Variants in RRAS2 observed in about 807,000 individuals in gnomAD.
RRAS2 encodes RAS related 2, also known as ras-related protein R-Ras2.
RRAS2 carries 7 observed loss-of-function variants against 27.6 expected under a neutral mutation model. The observed-to-expected ratio is 0.25, with a 90% CI of 0.14 to 0.48. The LOEUF (loss-of-function observed/expected upper bound fraction) is 0.48. RRAS2 is among the 20% of genes least tolerant of loss of function. RRAS2 has a pLI of 0.99. For missense variants in RRAS2, 178 were observed against 256.2 expected (o/e 0.69, Z 2.08); for synonymous variants, 86 against 90.9 (o/e 0.95, Z 0.31).
intron 4 of RRAS2, among the ~76,000 whole-genome samples, chr11:14,287,086 T>C (rs1849679197): frequency 6.6e-6 from 1 of 152,194 alleles, no homozygotes; most frequent in Non-Finnish European, 1.5e-5. Flanking sequence ...CAATGAAACT[T>C]CCCCCTAAGT....
chr11:14,329,476 A>C (rs1848441566), intron 1 of RRAS2, among the ~76,000 whole-genome samples: 1 of 152,034 alleles, frequency 6.6e-6, no homozygotes. Flanking sequence ...AGGCTTTTAG[A>C]CCCCTCGCAT....
chr11:14,330,658 A>C (rs1554951763), intron 1 of RRAS2, among the ~76,000 whole-genome samples: 3 of 152,108 alleles, frequency 2.0e-5, no homozygotes, highest in African/African-American at 7.2e-5. Context: ...AACATTAAAA[A>C]AAATTTTTTT....
chr11:14,319,771 T>C (rs1591469188), intron 1 of RRAS2, among the ~76,000 whole-genome samples: 1 of 152,310 alleles, frequency 6.6e-6, no homozygotes, highest in Admixed American at 6.5e-5. Flanking sequence ...ACTCAACTGA[T>C]AAAAGGTGAT....
intron 4 of RRAS2, among the ~76,000 whole-genome samples, chr11:14,286,864 A>C (rs1849672393): frequency 6.6e-6 from 1 of 152,268 alleles, no homozygotes; most frequent in African/African-American, 2.4e-5. Flanking sequence ...ATTAACGATA[A>C]GGAAGGAAGC....
At chr11:14,337,876 G>C (rs1460041707) in intron 1 of RRAS2, among the ~76,000 whole-genome samples, 1 of 152,136 alleles carries the variant, frequency 6.6e-6, no homozygotes, top group Middle Eastern at 3.2e-3. Flanking sequence ...AGAATGTATT[G>C]CCAGAAGGGC....
chr11:14,339,851 TGCCTGTA>T (rs1184340105), intron 1 of RRAS2, among the ~76,000 whole-genome samples: 1 of 151,976 alleles, frequency 6.6e-6, no homozygotes, highest in Admixed American at 6.5e-5. Context: ...CAGTGGCTCA[TGCCTGTA>T]ATCCCACCAC....
In RRAS2 at chr11:14,352,096, G is replaced by A. The variant is rs59497048; in HGVS notation, c.108+6667C>T. The stretch of plus-strand genomic sequence containing the variant: ...TAAAGTCAAAAAAGAAAGCAACATC[G>A]GATGTCTTTTTAACACTTATATTCT... On this transcript the variant is annotated intron_variant, in intron 1 of 5. Coordinates refer to ENST00000256196, the MANE Select transcript of RRAS2 (RefSeq NM_012250.6). Among the ~76,000 whole-genome samples, 1,073 of 152,078 alleles carry A rather than the reference G, an allele frequency of 7.1e-3. 8 individuals carry two copies. The highest frequency in any genetic ancestry group is 0.024 in the African/African-American group (1,006 of 41,500).
At chr11:14,332,509 GTAATAA>G (rs1230064589) in intron 1 of RRAS2, among the ~76,000 whole-genome samples, 2 of 151,732 alleles carry the variant, frequency 1.3e-5, no homozygotes, top group African/African-American at 2.4e-5. Context: ...CTCAAAAATA[GTAATAA>G]TAATAATAAA....
intron 4 of RRAS2, among the ~76,000 whole-genome samples, chr11:14,293,142 TA>T (rs1564957386): frequency 1.5e-5 from 2 of 131,728 alleles, no homozygotes; most frequent in African/African-American, 3.0e-5. Context: ...TATATATATA[TA>T]TATATATATA....
intron 1 of RRAS2, among the ~76,000 whole-genome samples, chr11:14,318,502 C>G (rs1848160329): frequency 6.7e-6 from 1 of 150,058 alleles, no homozygotes; most frequent in Non-Finnish European, 1.5e-5. Flanking sequence ...GAATCTGTCT[C>G]AAAACAAACA....
At position 14,278,544 on chromosome 11, in the gene RRAS2, AAC is replaced by A. The variant is rs1474449798; in HGVS notation, c.*791_*792del. 2 of 152,210 alleles carry A rather than the reference AAC, an allele frequency of 1.3e-5. No homozygotes were observed. The highest frequency in any genetic ancestry group is 6.5e-5 in the Admixed American group (1 of 15,280). 9.4% of individuals were successfully genotyped at this position (152,210 alleles called of 1,614,324 possible). On this transcript the variant is annotated 3_prime_UTR_variant, in exon 6 of 6. Transcript: ENST00000256196. ...TTCCATATTTTATATTACAAACAAA[AAC>A]AGTTTTAGTTTTTTGAATCCCTTAC...
intron 1 of RRAS2, among the ~76,000 whole-genome samples, chr11:14,304,474 A>T (rs1847789439): frequency 6.6e-6 from 1 of 152,230 alleles, no homozygotes; most frequent in African/African-American, 2.4e-5. Context: ...ATAACTTGGC[A>T]CCTACTGTTT....
At chr11:14,296,109 G>A (rs372901688) in intron 1 of RRAS2, among the ~76,000 whole-genome samples, 28 of 152,198 alleles carry the variant, frequency 1.8e-4, no homozygotes, top group African/African-American at 6.5e-4. Flanking sequence ...GAGCCCAGGT[G>A]GTTGGGGCTG....
At chr11:14,344,252 ATTAAT>A (rs1554953775) in intron 1 of RRAS2, among the ~76,000 whole-genome samples, 2 of 152,234 alleles carry the variant, frequency 1.3e-5, no homozygotes, top group Non-Finnish European at 2.9e-5. Context: ...TACTACAATC[ATTAAT>A]TTAAACATCT....
Position 14,358,943 on chromosome 11 carries a change from C to A in RRAS2, c.-73G>T, listed in dbSNP as rs1564987585. 3 of 1,174,052 alleles carry A rather than the reference C, an allele frequency of 2.6e-6. No homozygotes were observed. The East Asian group carries it at 1.2e-4, about 47-fold the overall frequency. The allele number at this position is 1,174,052 out of a possible 1,614,324, so 72.7% of individuals were successfully genotyped here. On this transcript the variant is annotated 5_prime_UTR_variant, in exon 1 of 6. Coordinates refer to ENST00000256196, the MANE Select transcript of RRAS2 (RefSeq NM_012250.6). This position sits in a 1 kb window ranked among gnomAD's most constrained non-coding sequence, Gnocchi z 5.1. ...CCCGCCCTAGGCCCGGCTCCGGGGA[C>A]GTGTGCGGCCGGCGGGCTGCGGGCG... is the stretch of plus-strand genomic sequence containing the variant.
intron 1 of RRAS2, among the ~76,000 whole-genome samples, chr11:14,328,366 CAAAAAAAAAA>C (rs71041596): frequency 5.9e-5 from 4 of 67,716 alleles, no homozygotes; most frequent in African/African-American, 1.9e-4. Flanking sequence ...AACTCCAACT[CAAAAAAAAAA>C]AAAAAAAAAA....
intron 5 of RRAS2, among the ~76,000 whole-genome samples, chr11:14,280,861 A>C (rs1167208800): frequency 6.6e-6 from 1 of 152,126 alleles, no homozygotes; most frequent in African/African-American, 2.4e-5. Context: ...CCAAAATAAT[A>C]AATCAAATCC....
At chr11:14,339,955 A>AAC (rs1269568148) in intron 1 of RRAS2, among the ~76,000 whole-genome samples, 1 of 151,826 alleles carries the variant, frequency 6.6e-6, no homozygotes, top group Non-Finnish European at 1.5e-5. Flanking sequence ...CCCTACTAAG[A>AAC]ACACACACAA....
In RRAS2 at chr11:14,293,132, T is replaced by A. The variant is rs1383175642; in HGVS notation, c.408+1339A>T. ...CAAAACAAAACAAAACAAATATATA[T>A]ATATATATATATATATATATATATA... On this transcript the variant is annotated intron_variant, in intron 4 of 5. Transcript: ENST00000256196. Among the ~76,000 whole-genome samples the A allele has an allele frequency of 7.4e-5, 5 of 67,898 alleles. No individual in the cohort carries two copies. In the South Asian group the frequency reaches 2.7e-3, roughly 37 times the overall value. 44.5% of individuals were successfully genotyped at this position (67,898 alleles called of 152,430 possible). A position where few individuals can be genotyped will look rare whatever the true frequency, so the allele number is the denominator to read the frequency against.
Sources: gnomAD v4.1 joint callset for allele counts (sites outside exome capture counted in the v4.1 genomes callset) on GRCh38, gnomAD v4.1.1 for gene constraint, Gnocchi (gnomAD v3.1) non-coding constraint, MANE v1.5 for transcripts, NCBI Gene and HGNC (gene_info 2026-07-23, HGNC 2026-07-21) for gene names.